Variants in SPAG17 observed in about 807,000 individuals in gnomAD.
SPAG17 encodes sperm associated antigen 17.
A neutral mutation model predicts 273.6 loss-of-function variants in SPAG17; 169 were observed. The observed-to-expected ratio is 0.62, with a 90% CI of 0.55 to 0.70. The LOEUF (loss-of-function observed/expected upper bound fraction) is 0.70, where lower values mean the gene tolerates loss of function less well. Ranked by LOEUF, SPAG17 falls within the 30% of genes least tolerant of loss-of-function variation. The pLI is 0.00. For missense variants in SPAG17, 2,557 were observed against 2,627.8 expected, an observed-to-expected ratio of 0.97 and a Z score of 0.59; for synonymous variants, 825 against 873.2, an observed-to-expected ratio of 0.94 and a Z score of 0.97.
chr1:118,090,391 C>G, intron 10 of SPAG17, among the ~76,000 whole-genome samples: 1 of 151,884 alleles, frequency 6.6e-6, no homozygotes, highest in East Asian at 1.9e-4. Flanking sequence ...TAATGGAAAT[C>G]AAAATAATTC....
chr1:118,044,740 A>T (rs565962562), intron 20 of SPAG17, among the ~76,000 whole-genome samples: 1 of 152,066 alleles, frequency 6.6e-6, no homozygotes, highest in Non-Finnish European at 1.5e-5. Context: ...GTGAGTTCTC[A>T]GGAGATCTGG....
intron 20 of SPAG17, among the ~76,000 whole-genome samples, chr1:118,052,623 T>A (rs1651188079): frequency 6.6e-6 from 1 of 152,214 alleles, no homozygotes; most frequent in South Asian, 2.1e-4. Flanking sequence ...CATTTTATAA[T>A]ATGTACATAA....
intron 20 of SPAG17, among the ~76,000 whole-genome samples, chr1:118,051,784 T>A (rs1651052480): frequency 7.0e-6 from 1 of 143,512 alleles, no homozygotes; most frequent in African/African-American, 2.5e-5. Flanking sequence ...AATACTATTA[T>A]AATATATAAA....
chr1:118,045,825 A>G (rs1475586043), intron 20 of SPAG17, among the ~76,000 whole-genome samples: 1 of 152,136 alleles, frequency 6.6e-6, no homozygotes, highest in East Asian at 1.9e-4. Flanking sequence ...TAATTGTAGG[A>G]CACCCAGTTG....
intron 30 of SPAG17, among the ~76,000 whole-genome samples, chr1:118,010,527 C>T (rs926568072): frequency 2.0e-5 from 3 of 152,158 alleles, no homozygotes; most frequent in Non-Finnish European, 4.4e-5. Flanking sequence ...AAGATTGAAA[C>T]TGCACCCCTT....
chr1:117,970,886 AC>A (rs1224438601), intron 45 of SPAG17, among the ~76,000 whole-genome samples: 13 of 152,230 alleles, frequency 8.5e-5, no homozygotes, highest in African/African-American at 2.6e-4. Flanking sequence ...ATTTCTTCCC[AC>A]CCACTTTGTT....
intron 1 of SPAG17, among the ~76,000 whole-genome samples, chr1:118,184,322 G>A (rs1023962060): frequency 5.3e-5 from 8 of 152,256 alleles, no homozygotes; most frequent in Non-Finnish European, 8.8e-5. Context: ...ACAGCTTAAT[G>A]TAGAAGGGGA....
chr1:118,114,154 C>T (rs1656927046), intron 4 of SPAG17, among the ~76,000 whole-genome samples: 1 of 152,014 alleles, frequency 6.6e-6, no homozygotes, highest in African/African-American at 2.4e-5. Context: ...TCCAATTTTT[C>T]TTCTGTCAAG....
intron 7 of SPAG17, among the ~76,000 whole-genome samples, chr1:118,096,381 CAGTCACTGTGCAG>C (rs1426769735): frequency 6.6e-6 from 1 of 151,048 alleles, no homozygotes; most frequent in Non-Finnish European, 1.5e-5. Context: ...CAGCTACCCA[CAGTCACTGTGCAG>C]ACACCCATCC....
chr1:117,981,360 C>T lies in SPAG17; in HGVS notation c.5914G>A (p.Val1972Met). The T allele has an allele frequency of 6.2e-7, 1 of 1,604,068 alleles. No homozygotes were observed. ...HKVSEQKSSS[V>M]PSLPKPEISA... ...ATCTCTGGTTTTGGAAGACTAGGCA[C>T]ACTTGAGGATTTCTGTTCTGAAACC... The change falls in exon 43 of 49, where the codon GTG becomes ATG. Residue 1972 changes from valine to methionine, a missense_variant. Physicochemically the swap from Val to Met is conservative, Grantham distance 21. Transcript: ENST00000336338.
chr1:118,181,936 AC>A (rs1189237814), intron 1 of SPAG17, among the ~76,000 whole-genome samples: 3 of 152,056 alleles, frequency 2.0e-5, no homozygotes, highest in Admixed American at 6.6e-5. Context: ...GGCCACACAG[AC>A]CCCGTCTCAA....
In SPAG17 at chr1:118,012,923, G is replaced by A. The variant is rs972032087; in HGVS notation, c.4288-551C>T. On this transcript the variant is annotated intron_variant, in intron 29 of 48. Coordinates refer to ENST00000336338, the MANE Select transcript of SPAG17 (RefSeq NM_206996.4). ...GTGCATGTATCTGCTGCTCAGTGCCGCTGCATGCCTGTGAGCTTGAGGGGT... is the reference window on the plus strand; with the variant it reads ...GTGCATGTATCTGCTGCTCAGTGCCACTGCATGCCTGTGAGCTTGAGGGGT... Among the ~76,000 whole-genome samples, 16 of 152,174 alleles carry A rather than the reference G, an allele frequency of 1.1e-4. No individual in the cohort carries two copies. The East Asian group carries it at 2.1e-3, about 20-fold the overall frequency.
intron 15 of SPAG17, among the ~76,000 whole-genome samples, chr1:118,078,617 A>G (rs564239612): frequency 1.8e-4 from 28 of 152,226 alleles, no homozygotes; most frequent in African/African-American, 6.0e-4. Context: ...CCTCTGATGC[A>G]ATATTGAATA....
At chr1:118,185,039 GGC>G in intron 1 of SPAG17, 30 bp downstream of exon 1, 1 of 1,595,428 alleles carries the variant, frequency 6.3e-7, no homozygotes, top group East Asian at 2.2e-5. Context: ...CATTGCCGGG[GGC>G]AGGGAGGGCT....
At position 117,996,683 on chromosome 1, in the gene SPAG17, T is replaced by C. The variant is rs200562117; in HGVS notation, c.4837A>G (p.Asn1613Asp). 118 of 1,612,854 alleles carry C rather than the reference T, an allele frequency of 7.3e-5. 1 individual carries two copies. In the East Asian group the frequency reaches 2.5e-3, roughly 35 times the overall value. ...LPEKKLEDDL[N>D]EKTEGYDSLS... ...CTATCATAGCCCTCAGTTTTCTCAT[T>C]TAAATCATCTTCCAATTTTTTTTCA... Residue 1613 changes from asparagine to aspartate, a missense_variant, in exon 33 of 49, where the codon AAT (asparagine) becomes GAT (aspartate). By Grantham distance (23) the Asn-to-Asp change is conservative. Transcript: ENST00000336338.
At chr1:118,160,776 T>C (rs1232475388) in intron 1 of SPAG17, among the ~76,000 whole-genome samples, 4 of 152,234 alleles carry the variant, frequency 2.6e-5, no homozygotes, top group Non-Finnish European at 5.9e-5. Context: ...GCAGGATGTG[T>C]CTGACCATGT....
chr1:118,095,757 G>C (rs1481535315), intron 7 of SPAG17, among the ~76,000 whole-genome samples: 1 of 152,120 alleles, frequency 6.6e-6, no homozygotes, highest in Non-Finnish European at 1.5e-5. Flanking sequence ...AAATAGGGTG[G>C]AATGTTCATA....
At chr1:117,959,415 AAG>A (rs1272838383) in intron 48 of SPAG17, 2 of 1,613,410 alleles carry the variant, frequency 1.2e-6, no homozygotes, top group Admixed American at 3.3e-5. Flanking sequence ...GAAGAGGAAA[AAG>A]AGGGAGAAGT....
At chr1:118,076,521 A>T (rs1654111243) in intron 15 of SPAG17, 1 of 152,180 alleles carries the variant, frequency 6.6e-6, no homozygotes, top group African/African-American at 2.4e-5. Flanking sequence ...CCTTGAAGCA[A>T]TTGATATGAA....
Sources: gnomAD v4.1 joint callset for allele counts (sites outside exome capture counted in the v4.1 genomes callset) on GRCh38, gnomAD v4.1.1 for gene constraint, MANE v1.5 for transcripts, NCBI Gene and HGNC (gene_info 2026-07-23, HGNC 2026-07-21) for gene names.